The following CACNA1C variants were observed in gnomAD, a reference collection of about 807,000 sequenced individuals.
CACNA1C encodes the protein voltage-dependent L-type calcium channel subunit alpha-1C.
In CACNA1C, 30 loss-of-function variants were observed where a neutral mutation model predicts 229.0. The ratio of observed to expected loss-of-function variants is 0.13; its 90% CI spans 0.10 to 0.18. The LOEUF (loss-of-function observed/expected upper bound fraction) is 0.18. Ranked by LOEUF, CACNA1C falls within the 10% of genes least tolerant of loss-of-function variation. The pLI, the probability that CACNA1C is intolerant of heterozygous loss-of-function variation, is 1.00. For synonymous variants in CACNA1C, 1,114 were observed against 1,132.5 expected (o/e 0.98, Z 0.33); for missense variants, 1,658 against 2,845.0 (o/e 0.58, Z 9.49).
At chr12:2,627,049 G>A (rs957822346) in intron 29 of CACNA1C, among the ~76,000 whole-genome samples, 2 of 152,128 alleles carry the variant, frequency 1.3e-5, no homozygotes, top group African/African-American at 4.8e-5. Flanking sequence ...TAGGAGAGCA[G>A]CCCCCCTCGC....
chr12:2,533,161 C>T (rs2099845050), intron 9 of CACNA1C, among the ~76,000 whole-genome samples: 1 of 152,202 alleles, frequency 6.6e-6, no homozygotes, highest in African/African-American at 2.4e-5. Context: ...GTGACAGAGG[C>T]AGGCGTTCAT....
intron 3 of CACNA1C, among the ~76,000 whole-genome samples, chr12:2,292,498 A>G (rs892298201): frequency 6.6e-6 from 1 of 152,224 alleles, no homozygotes; most frequent in African/African-American, 2.4e-5. Context: ...GCACTGTTTC[A>G]GGAATCAGAC....
At chr12:2,120,673 TG>T (rs2086219156) in intron 3 of CACNA1C, among the ~76,000 whole-genome samples, 1 of 150,836 alleles carries the variant, frequency 6.6e-6, no homozygotes, top group African/African-American at 2.5e-5. Context: ...TGTGTGTGTG[TG>T]TGTGTGTGTG....
chr12:2,633,148 C>A lies in CACNA1C; in HGVS notation c.3829-1149C>A, dbSNP rs531919832. On this transcript the variant is annotated intron_variant, in intron 29 of 46. Transcript: ENST00000399655. This position sits in a 1 kb window ranked among gnomAD's most constrained non-coding sequence, Gnocchi z 5.8. The stretch of plus-strand genomic sequence containing the variant: ...TTTTCAAAGCCTTTTTCATTCCCAG[C>A]TTCACCCATAGGACCGAGCCCGCTA... Among the ~76,000 whole-genome samples, 2 of 152,210 alleles carry A rather than the reference C, an allele frequency of 1.3e-5. No homozygotes were observed. Among genetic ancestry groups the A allele is most frequent in the African/African-American group, 4.8e-5 (2 of 41,438 alleles).
intron 3 of CACNA1C, among the ~76,000 whole-genome samples, chr12:2,127,099 C>T (rs947738906): frequency 6.6e-6 from 1 of 152,166 alleles, no homozygotes; most frequent in Non-Finnish European, 1.5e-5. Flanking sequence ...AGAGGGAGAG[C>T]ACTGGTGGGG....
rs569701841 is a variant in CACNA1C at position 2,493,629 on chromosome 12, G to A, written c.1113+243G>A. Among the ~76,000 whole-genome samples the A allele has an allele frequency of 3.6e-4, 55 of 152,200 alleles. No individual in the cohort carries two copies. Among genetic ancestry groups the A allele is most frequent in the African/African-American group, 1.1e-3 (44 of 41,528 alleles). ...TAGGGGAAGGTCATTTTTCCAGTGCGTCCCACAGTGCAAAACCCTGGTGTG... is the reference window on the plus strand; with the variant it reads ...TAGGGGAAGGTCATTTTTCCAGTGCATCCCACAGTGCAAAACCCTGGTGTG... On this transcript the variant is annotated intron_variant, in intron 7 of 46. Transcript: ENST00000399655. This position sits in a 1 kb window ranked among gnomAD's most constrained non-coding sequence, Gnocchi z 4.6.
At chr12:2,496,230 A>G (rs2099746556) in intron 7 of CACNA1C, among the ~76,000 whole-genome samples, 1 of 152,306 alleles carries the variant, frequency 6.6e-6, no homozygotes, top group Admixed American at 6.5e-5. Flanking sequence ...GTTGAACCTC[A>G]TGGTGCTGGT....
chr12:2,396,385 A>G (rs2098577874), intron 3 of CACNA1C, among the ~76,000 whole-genome samples: 1 of 152,158 alleles, frequency 6.6e-6, no homozygotes, highest in South Asian at 2.1e-4. Flanking sequence ...AAGGGGACGA[A>G]GAGGCCTGCC....
intron 3 of CACNA1C, among the ~76,000 whole-genome samples, chr12:2,265,459 T>C (rs2082014395): frequency 6.6e-6 from 1 of 152,186 alleles, no homozygotes; most frequent in African/African-American, 2.4e-5. Flanking sequence ...TCCACCTTAC[T>C]GCAGAGTGGG....
At chr12:1,997,908 T>C in intron 1 of CACNA1C, 1 of 1,572,254 alleles carries the variant, frequency 6.4e-7, no homozygotes, top group Non-Finnish European at 8.7e-7. Flanking sequence ...GAAGATTAGT[T>C]TCTTTATAAA....
chr12:2,391,940 C>T (rs1185211899), intron 3 of CACNA1C, among the ~76,000 whole-genome samples: 1 of 152,262 alleles, frequency 6.6e-6, no homozygotes, highest in Non-Finnish European at 1.5e-5. Context: ...CCATGCTGCA[C>T]AGCACCGGCA....
At chr12:2,610,075 A>G (rs2076980861) in intron 27 of CACNA1C, among the ~76,000 whole-genome samples, 1 of 152,172 alleles carries the variant, frequency 6.6e-6, no homozygotes, top group Admixed American at 6.5e-5. Context: ...CAGTGAGCCA[A>G]GATCACACCA....
At chr12:2,063,901 A>G (rs1043162781) in intron 1 of CACNA1C, among the ~76,000 whole-genome samples, 2 of 152,188 alleles carry the variant, frequency 1.3e-5, no homozygotes, top group African/African-American at 2.4e-5. Context: ...GGGTTTACCT[A>G]GGAGTGGAAT....
intron 7 of CACNA1C, among the ~76,000 whole-genome samples, chr12:2,502,621 T>G (rs148155303): frequency 1.8e-4 from 28 of 152,300 alleles, no homozygotes; most frequent in Non-Finnish European, 3.8e-4. Flanking sequence ...TAACCAAAAT[T>G]TAGTAATATC....
chr12:2,534,030 G>A (rs368501095), intron 9 of CACNA1C, among the ~76,000 whole-genome samples: 10 of 152,296 alleles, frequency 6.6e-5, no homozygotes, highest in South Asian at 6.2e-4. Context: ...GGGATGCCAC[G>A]TAGGTCAAGG....
At chr12:2,082,905 C>G (rs1283444335) in intron 1 of CACNA1C, among the ~76,000 whole-genome samples, 1 of 152,218 alleles carries the variant, frequency 6.6e-6, no homozygotes, top group Non-Finnish European at 1.5e-5. Context: ...TGTGTACATA[C>G]ACACACTGAA....
chr12:2,194,417 C>T (rs1490108597), intron 3 of CACNA1C, among the ~76,000 whole-genome samples: 1 of 130,818 alleles, frequency 7.6e-6, no homozygotes, highest in Non-Finnish European at 1.7e-5. Context: ...GTCCCCTCTT[C>T]CCCCTCCTCT....
intron 3 of CACNA1C, among the ~76,000 whole-genome samples, chr12:2,238,635 G>A (rs931570640): frequency 6.6e-6 from 1 of 152,214 alleles, no homozygotes; most frequent in Non-Finnish European, 1.5e-5. Flanking sequence ...TCTGAGAAGA[G>A]GACTAGCCAT....
At chr12:2,184,915 G>C (rs974679215) in intron 3 of CACNA1C, among the ~76,000 whole-genome samples, 9 of 152,160 alleles carry the variant, frequency 5.9e-5, no homozygotes, top group African/African-American at 2.2e-4. Flanking sequence ...CCCACCTCTG[G>C]GTATTTAGTC....
Sources: allele counts gnomAD v4.1 joint callset (sites outside exome capture counted in the v4.1 genomes callset), GRCh38; gene constraint gnomAD v4.1.1; non-coding constraint Gnocchi (gnomAD v3.1); transcripts MANE v1.5; gene names NCBI Gene and HGNC (gene_info 2026-07-23, HGNC 2026-07-21).